Variants in ELMOD1 observed in about 807,000 individuals in gnomAD.
ELMOD1 encodes the protein ELMO domain containing 1, also known as ELMO domain-containing protein 1.
ELMOD1 carries 21 observed loss-of-function variants against 46.7 expected under a neutral mutation model. That is an observed-to-expected ratio of 0.45 (90% CI 0.32 to 0.65). ELMOD1 has a LOEUF of 0.65. ELMOD1 is among the 30% of genes least tolerant of loss of function. The pLI, the probability that ELMOD1 is intolerant of heterozygous loss-of-function variation, is 0.04. For synonymous variants in ELMOD1, 122 were observed against 138.2 expected, an observed-to-expected ratio of 0.88 and a Z score of 0.82; for missense variants, 348 against 407.8, an observed-to-expected ratio of 0.85 and a Z score of 1.26.
At position 107,630,464 on chromosome 11, in the gene ELMOD1, G is replaced by A. The variant is rs745530270; in HGVS notation, c.65G>A (p.Arg22His). ...CLYFYCKFLWRCLKFVMRKLT... is the reference protein window; with the variant it reads ...CLYFYCKFLWHCLKFVMRKLT... The stretch of plus-strand genomic sequence containing the variant: ...TATTTTTACTGTAAATTTCTGTGGC[G>A]CTGCCTGAAATTTGTAATGAGGAAG... The change falls in exon 3 of 12, where the codon CGC becomes CAC. Residue 22 changes from arginine to histidine, a missense_variant. By Grantham distance (29) the Arg-to-His change is conservative. Coordinates refer to ENST00000265840, the MANE Select transcript of ELMOD1 (RefSeq NM_018712.4). The A allele has an allele frequency of 6.2e-6, 10 of 1,605,102 alleles. No homozygotes were observed. Among genetic ancestry groups the A allele is most frequent in the East Asian group, 2.2e-5 (1 of 44,698 alleles).
chr11:107,643,368 GAA>G (rs112788240), intron 6 of ELMOD1: 2,047 of 165,780 alleles, frequency 0.012, no homozygotes, highest in Middle Eastern at 0.033. Flanking sequence ...CTCCATCTAG[GAA>G]AAAAAAAAAA....
At chr11:107,635,554 T>C in intron 5 of ELMOD1, 82 bp from the exon 6 acceptor site, 3 of 1,376,540 alleles carry the variant, frequency 2.2e-6, no homozygotes, top group Non-Finnish European at 3.0e-6. Context: ...AAAAGTTCTA[T>C]CATGCATACA....
At chr11:107,649,693 G>A (rs1220683550) in intron 7 of ELMOD1, among the ~76,000 whole-genome samples, 1 of 152,146 alleles carries the variant, frequency 6.6e-6, no homozygotes, top group African/African-American at 2.4e-5. Context: ...TTGGATTGAT[G>A]CGGGAAATAT....
At chr11:107,653,607 G>GCCTCTCCTC (rs1866567650) in intron 9 of ELMOD1, 1 of 81,566 alleles carries the variant, frequency 1.2e-5, no homozygotes, top group African/African-American at 4.4e-5. Context: ...CCCCCTCCCC[G>GCCTCTCCTC]CCTCTCCTCC....
At chr11:107,622,934 A>G (rs1424732811) in intron 2 of ELMOD1, among the ~76,000 whole-genome samples, 1 of 152,214 alleles carries the variant, frequency 6.6e-6, no homozygotes. Flanking sequence ...TATATGACAC[A>G]TACATATATA....
At chr11:107,662,898 A>T (rs891899073) in intron 11 of ELMOD1, among the ~76,000 whole-genome samples, 18 of 149,100 alleles carry the variant, frequency 1.2e-4, no homozygotes, top group South Asian at 8.6e-4. Flanking sequence ...CTCAAAAAAA[A>T]TTTTTTTTTT....
At chr11:107,622,848 G>A (rs1294215508) in intron 2 of ELMOD1, among the ~76,000 whole-genome samples, 1 of 152,058 alleles carries the variant, frequency 6.6e-6, no homozygotes, top group East Asian at 1.9e-4. Flanking sequence ...CTGTAGACTG[G>A]TACTTTTAGC....
intron 1 of ELMOD1, among the ~76,000 whole-genome samples, chr11:107,599,915 G>A (rs901846465): frequency 6.6e-6 from 1 of 151,988 alleles, no homozygotes; most frequent in Non-Finnish European, 1.5e-5. Flanking sequence ...GTCTTCCAAA[G>A]CTATTAAAGA....
At chr11:107,653,345 G>C (rs1453906976) in intron 9 of ELMOD1, 2 of 148,196 alleles carry the variant, frequency 1.3e-5, no homozygotes, top group Non-Finnish European at 3.1e-5. Context: ...AAGAGAGAGA[G>C]AGAGAGAGAG....
intron 1 of ELMOD1, among the ~76,000 whole-genome samples, chr11:107,607,692 A>T (rs1290189196): frequency 6.6e-6 from 1 of 152,132 alleles, no homozygotes; most frequent in Non-Finnish European, 1.5e-5. Context: ...AACAAGATAT[A>T]GGACAAATGG....
chr11:107,637,146 T>C (rs565249820), intron 6 of ELMOD1, among the ~76,000 whole-genome samples: 2 of 152,372 alleles, frequency 1.3e-5, no homozygotes, highest in South Asian at 2.1e-4. Flanking sequence ...ATATGACTTT[T>C]ATCTGTGGTT....
intron 1 of ELMOD1, among the ~76,000 whole-genome samples, chr11:107,593,678 A>C (rs1010771736): frequency 6.6e-6 from 1 of 152,252 alleles, no homozygotes; most frequent in Non-Finnish European, 1.5e-5. Context: ...GCCCAGTTAA[A>C]TTTGAATTTC....
At chr11:107,594,249 C>T (rs954534224) in intron 1 of ELMOD1, among the ~76,000 whole-genome samples, 2 of 149,934 alleles carry the variant, frequency 1.3e-5, no homozygotes, top group Non-Finnish European at 3.0e-5. Flanking sequence ...AATAAGAGAG[C>T]GAGATCTTAT....
Position 107,665,368 on chromosome 11 carries a change from T to C in ELMOD1, c.*171T>C. 1.5e-6 allele frequency: 1 copy of C among 661,528 alleles called. No individual in the cohort carries two copies. The highest frequency in any genetic ancestry group is 2.5e-6 in the Non-Finnish European group (1 of 398,010). The allele number at this position is 661,528 out of a possible 1,614,324, so 41.0% of individuals were successfully genotyped here. A position where few individuals can be genotyped will look rare whatever the true frequency, so the allele number is the denominator to read the frequency against. ...TTCCGAGATCCCCAGAGACCACTGTTTCTGGAGTATCTGTCATCCAGTGAC... is the reference window on the plus strand; with the variant it reads ...TTCCGAGATCCCCAGAGACCACTGTCTCTGGAGTATCTGTCATCCAGTGAC... On this transcript the variant is annotated 3_prime_UTR_variant, in exon 12 of 12. Coordinates refer to ENST00000265840, the MANE Select transcript of ELMOD1 (RefSeq NM_018712.4).
chr11:107,635,496 A>G (rs551493580), intron 5 of ELMOD1, 140 bp from the exon 6 acceptor site: 21 of 860,406 alleles, frequency 2.4e-5, no homozygotes, highest in Admixed American at 3.0e-5. Flanking sequence ...TTGTGCTTCT[A>G]TTAAATAGAT....
At chr11:107,651,265 CT>C (rs1425113765) in intron 9 of ELMOD1, among the ~76,000 whole-genome samples, 2 of 152,150 alleles carry the variant, frequency 1.3e-5, no homozygotes, top group Non-Finnish European at 2.9e-5. Context: ...AACTTTGCTC[CT>C]CTATTAATAT....
chr11:107,623,264 T>G (rs1865984249), intron 2 of ELMOD1: 1 of 152,186 alleles, frequency 6.6e-6, no homozygotes. Flanking sequence ...TATGTTAACC[T>G]GCATCTTTTT....
rs960729487 is a variant in ELMOD1, at chr11:107,665,206, G to T, written c.*9G>T. On this transcript the variant is annotated 3_prime_UTR_variant, in exon 12 of 12. Transcript: ENST00000265840. ...GTTTAATCAACATGTAGTTGCCCAC[G>T]CCGGTTTTAATGGATACCCTGGAAC... is the stretch of plus-strand genomic sequence containing the variant. 1.2e-6 allele frequency: 2 copies of T among 1,612,970 alleles called. No homozygotes were observed. Among genetic ancestry groups the T allele is most frequent in the Admixed American group, 1.7e-5 (1 of 59,934 alleles).
rs146878340 is a variant in ELMOD1, at chr11:107,665,059, C to G, written c.867C>G (p.Ile289Met). ...TGCATGAATTTCATAAGTTTTGGAT[C>G]GAAGAGGACCCCATGGACATAATGG... ...YLMHEFHKFW[I>M]EEDPMDIMEF... The change falls in exon 12 of 12, where the codon ATC (isoleucine) becomes ATG (methionine). Residue 289 changes from isoleucine (I) to methionine (M), a missense_variant. By Grantham distance (10) the Ile-to-Met change is conservative. Transcript: ENST00000265840. 2 of 1,613,402 alleles carry G rather than the reference C, an allele frequency of 1.2e-6. No individual in the cohort carries two copies. The highest frequency in any genetic ancestry group is 1.3e-5 in the African/African-American group (1 of 74,954).
Sources: allele counts gnomAD v4.1 joint callset (sites outside exome capture counted in the v4.1 genomes callset), GRCh38; gene constraint gnomAD v4.1.1; transcripts MANE v1.5; gene names NCBI Gene and HGNC (gene_info 2026-07-23, HGNC 2026-07-21).